PACRG: variants seen among roughly 807,000 people sequenced by gnomAD.
The protein encoded by PACRG is parkin coregulated gene protein.
Under a neutral mutation model 29.7 loss-of-function variants are expected in PACRG, and 29 were observed. That is an observed-to-expected ratio of 0.98 (90% confidence interval 0.73 to 1.33). The LOEUF is 1.33. PACRG is among the 40% of genes most tolerant of loss of function. PACRG has a pLI of 0.00. For missense variants in PACRG, 279 were observed against 316.2 expected (o/e 0.88, Z 0.89); for synonymous variants, 116 against 118.7 (o/e 0.98, Z 0.15).
intron 2 of PACRG, among the ~76,000 whole-genome samples, chr6:162,947,321 A>G (rs375074164): frequency 0.016 from 786 of 49,894 alleles, 28 homozygotes; most frequent in African/African-American, 0.04. Flanking sequence ...AATCATATAT[A>G]ATACATATAA....
intron 2 of PACRG, among the ~76,000 whole-genome samples, chr6:162,823,773 A>G (rs1241670667): frequency 6.6e-6 from 1 of 152,070 alleles, no homozygotes; most frequent in Non-Finnish European, 1.5e-5. Context: ...TAGGCCTCCC[A>G]AAGTGCTGGG....
chr6:163,046,870 A>G (rs1809455200), intron 2 of PACRG, among the ~76,000 whole-genome samples: 1 of 152,260 alleles, frequency 6.6e-6, no homozygotes, highest in African/African-American at 2.4e-5. Flanking sequence ...TCCTCAGTAT[A>G]AAGAGCTTTA....
chr6:163,216,153 G>A (rs1056908002), intron 4 of PACRG, among the ~76,000 whole-genome samples: 1 of 152,214 alleles, frequency 6.6e-6, no homozygotes. Context: ...TTCCTGTGTT[G>A]TCTAATAGAG....
chr6:162,857,190 A>C (rs572444730), intron 2 of PACRG, among the ~76,000 whole-genome samples: 4 of 152,220 alleles, frequency 2.6e-5, no homozygotes, highest in Non-Finnish European at 5.9e-5. Flanking sequence ...GAGAGTTCAC[A>C]GAGTATAGCC....
At position 162,977,600 on chromosome 6, in the gene PACRG, G is replaced by C. The variant is rs867580519; in HGVS notation, c.292-84550G>C. Among the ~76,000 whole-genome samples the C allele has an allele frequency of 3.9e-4, 59 of 152,032 alleles. 1 individual carries two copies. The highest frequency in any genetic ancestry group is 1.4e-3 in the African/African-American group (56 of 41,464). On this transcript the variant is annotated intron_variant, in intron 2 of 4. Coordinates refer to ENST00000366888, the MANE Select transcript of PACRG (RefSeq NM_001080379.2). ...CTTCCAACTTCAAGAGCAATAATTA[G>C]AGGATTAATTTGTGGCACTTGAATG...
intron 4 of PACRG, among the ~76,000 whole-genome samples, chr6:163,222,379 A>G (rs1781624031): frequency 6.6e-6 from 1 of 152,174 alleles, no homozygotes; most frequent in Non-Finnish European, 1.5e-5. Flanking sequence ...CAGGCGTTCG[A>G]AACCAGCCTG....
chr6:163,013,378 T>C (rs1398346994), intron 2 of PACRG, among the ~76,000 whole-genome samples: 1 of 152,098 alleles, frequency 6.6e-6, no homozygotes, highest in Non-Finnish European at 1.5e-5. Flanking sequence ...AATTTCACTG[T>C]GGCATATAAA....
chr6:162,994,772 C>T (rs9458707), intron 2 of PACRG, among the ~76,000 whole-genome samples: 7,970 of 150,362 alleles, frequency 0.053, 704 homozygotes, highest in African/African-American at 0.18. Flanking sequence ...AGCTTTGTTC[C>T]GTTGCTGGTA....
chr6:163,297,278 C>T (rs371925377), intron 4 of PACRG, among the ~76,000 whole-genome samples: 4 of 152,228 alleles, frequency 2.6e-5, no homozygotes, highest in African/African-American at 7.2e-5. Flanking sequence ...AATGTCAGCA[C>T]ACCCACTGAA....
chr6:162,854,161 T>C (rs1358396335), intron 2 of PACRG, among the ~76,000 whole-genome samples: 1 of 93,180 alleles, frequency 1.1e-5, no homozygotes, highest in African/African-American at 3.9e-5. Flanking sequence ...GACCATTTTC[T>C]TTCTGTTTTT....
chr6:163,179,588 C>A (rs1250823834), intron 4 of PACRG, among the ~76,000 whole-genome samples: 1 of 151,962 alleles, frequency 6.6e-6, no homozygotes, highest in Non-Finnish European at 1.5e-5. Flanking sequence ...TGCCTGTAGT[C>A]CCTGCTACTC....
intron 2 of PACRG, among the ~76,000 whole-genome samples, chr6:162,981,343 C>T (rs1458352979): frequency 6.7e-6 from 1 of 148,438 alleles, no homozygotes; most frequent in Non-Finnish European, 1.5e-5. Context: ...CCTAAATTCC[C>T]ATCAACCAAT....
chr6:163,127,593 T>C (rs1340835510), intron 4 of PACRG, among the ~76,000 whole-genome samples: 2 of 152,224 alleles, frequency 1.3e-5, no homozygotes, highest in Non-Finnish European at 1.5e-5. Context: ...TTAATTCTTA[T>C]TAGTTTCCCC....
intron 4 of PACRG, among the ~76,000 whole-genome samples, chr6:163,229,381 C>A (rs1781933386): frequency 6.6e-6 from 1 of 152,168 alleles, no homozygotes; most frequent in Non-Finnish European, 1.5e-5. Context: ...CCACCACCAC[C>A]ACCACAACAA....
intron 2 of PACRG, among the ~76,000 whole-genome samples, chr6:162,900,381 T>G (rs995954268): frequency 6.6e-6 from 1 of 152,134 alleles, no homozygotes; most frequent in South Asian, 2.1e-4. Flanking sequence ...TCCTAGGTGA[T>G]TCCTACAAGG....
chr6:163,024,322 GAATA>G lies in PACRG; in HGVS notation c.292-37827_292-37824del, dbSNP rs535546508. Among the ~76,000 whole-genome samples, 660 of 152,238 alleles carry G rather than the reference GAATA, an allele frequency of 4.3e-3. 5 individuals carry two copies. The highest frequency in any genetic ancestry group is 0.015 in the African/African-American group (635 of 41,556). ...GCCGGTTATCCCAGCATTATTTATTGAATAGATAGTCCTTTCCCCATTGCTTGTT... is the reference window on the plus strand; with the variant it reads ...GCCGGTTATCCCAGCATTATTTATTGGATAGTCCTTTCCCCATTGCTTGTT... On this transcript the variant is annotated intron_variant, in intron 2 of 4. Coordinates refer to ENST00000366888, the MANE Select transcript of PACRG (RefSeq NM_001080379.2).
chr6:162,970,734 C>A (rs1483964913), intron 2 of PACRG, among the ~76,000 whole-genome samples: 1 of 152,180 alleles, frequency 6.6e-6, no homozygotes, highest in East Asian at 1.9e-4. Flanking sequence ...TACCATTAAT[C>A]CTTGCTCTCA....
At chr6:162,818,238 G>T (rs1168418101) in intron 2 of PACRG, among the ~76,000 whole-genome samples, 1 of 152,210 alleles carries the variant, frequency 6.6e-6, no homozygotes, top group Non-Finnish European at 1.5e-5. Flanking sequence ...TGAGAAAAGA[G>T]CTAAGCTGTC....
intron 2 of PACRG, among the ~76,000 whole-genome samples, chr6:163,034,207 T>C (rs944480989): frequency 6.6e-6 from 1 of 152,190 alleles, no homozygotes; most frequent in East Asian, 1.9e-4. Flanking sequence ...CAAAGGGATC[T>C]TTTCCAGCAG....
Sources: gnomAD v4.1 joint callset for allele counts (sites outside exome capture counted in the v4.1 genomes callset) on GRCh38, gnomAD v4.1.1 for gene constraint, MANE v1.5 for transcripts, NCBI Gene and HGNC (gene_info 2026-07-23, HGNC 2026-07-21) for gene names.